Variants in UTRN observed in about 807,000 individuals in gnomAD.
UTRN encodes dystrophin-related protein 1.
UTRN carries 283 observed loss-of-function variants against 463.9 expected under a neutral mutation model. That is an observed-to-expected ratio of 0.61 (90% CI 0.55 to 0.67). The LOEUF (loss-of-function observed/expected upper bound fraction) is 0.67, where lower values mean the gene tolerates loss of function less well. UTRN is among the 30% of genes least tolerant of loss of function. UTRN has a pLI of 0.00. For missense variants in UTRN, 3,922 were observed against 4,084.3 expected (o/e 0.96, Z 1.08); for synonymous variants, 1,442 against 1,431.5 (o/e 1.01, Z -0.17).
chr6:144,492,467 T>C (rs1006960027), intron 32 of UTRN, among the ~76,000 whole-genome samples: 1 of 152,226 alleles, frequency 6.6e-6, no homozygotes, highest in Non-Finnish European at 1.5e-5. Flanking sequence ...TTGTGTGTAG[T>C]GGTGTGATAA....
chr6:144,730,571 C>G, intron 54 of UTRN, 85 bp downstream of exon 54: 1 of 1,372,862 alleles, frequency 7.3e-7, no homozygotes, highest in South Asian at 1.8e-5. Flanking sequence ...TTCCTTACAG[C>G]ATTTTAGGAT....
intron 2 of UTRN, among the ~76,000 whole-genome samples, chr6:144,325,015 CAGG>C (rs1775889432): frequency 6.6e-6 from 1 of 152,280 alleles, no homozygotes; most frequent in African/African-American, 2.4e-5. Flanking sequence ...CTCACCTGCA[CAGG>C]AGAACAGAGA....
At chr6:144,648,618 G>T (rs1778506344) in intron 51 of UTRN, among the ~76,000 whole-genome samples, 1 of 152,120 alleles carries the variant, frequency 6.6e-6, no homozygotes, top group African/African-American at 2.4e-5. Context: ...TCTGTCCTGG[G>T]GGCAATTTAT....
At chr6:144,697,679 A>G (rs911811250) in intron 52 of UTRN, among the ~76,000 whole-genome samples, 2 of 152,132 alleles carry the variant, frequency 1.3e-5, no homozygotes, top group Non-Finnish European at 2.9e-5. Context: ...CACATATACC[A>G]ATGTTTTCTT....
chr6:144,476,538 A>G (rs1221573019), intron 25 of UTRN, among the ~76,000 whole-genome samples: 5 of 152,162 alleles, frequency 3.3e-5, no homozygotes, highest in Non-Finnish European at 7.3e-5. Flanking sequence ...ATTTACTGCA[A>G]TAACGAAGGA....
intron 34 of UTRN, among the ~76,000 whole-genome samples, chr6:144,505,244 T>G (rs1029713465): frequency 6.6e-6 from 1 of 152,234 alleles, no homozygotes; most frequent in Non-Finnish European, 1.5e-5. Flanking sequence ...TTGAAGGGTT[T>G]TCGTGTCTCT....
chr6:144,640,160 A>G (rs1777625940), intron 51 of UTRN, among the ~76,000 whole-genome samples: 1 of 152,168 alleles, frequency 6.6e-6, no homozygotes, highest in Admixed American at 6.6e-5. Flanking sequence ...TCTGTGATAC[A>G]AGAGGAAGCT....
intron 54 of UTRN, among the ~76,000 whole-genome samples, chr6:144,732,261 C>T (rs964065554): frequency 0.02 from 2,416 of 121,848 alleles, 81 homozygotes; most frequent in African/African-American, 0.064. Context: ...TATATATACA[C>T]ACATATATAT....
intron 42 of UTRN, among the ~76,000 whole-genome samples, chr6:144,531,530 A>G (rs1457657540): frequency 6.6e-6 from 1 of 152,194 alleles, no homozygotes; most frequent in Non-Finnish European, 1.5e-5. Flanking sequence ...AAATATTTGC[A>G]TGCCTCACCT....
At chr6:144,584,219 A>G (rs1415965590) in intron 51 of UTRN, among the ~76,000 whole-genome samples, 3 of 152,170 alleles carry the variant, frequency 2.0e-5, no homozygotes, top group African/African-American at 4.8e-5. Context: ...CAAATTTCTA[A>G]TACTACGTCA....
intron 49 of UTRN, among the ~76,000 whole-genome samples, chr6:144,555,467 C>G (rs1214333320): frequency 6.6e-6 from 1 of 152,142 alleles, no homozygotes; most frequent in Non-Finnish European, 1.5e-5. Flanking sequence ...TTGTCTCACT[C>G]TGCCGCCCAG....
chr6:144,557,421 AT>A, intron 50 of UTRN, 110 bp downstream of exon 50: 1 of 1,037,272 alleles, frequency 9.6e-7, no homozygotes, highest in Admixed American at 3.3e-5. Context: ...AGTACATTTT[AT>A]TATTATGTAT....
chr6:144,564,129 AG>A (rs1458631888), intron 50 of UTRN, among the ~76,000 whole-genome samples: 1 of 152,170 alleles, frequency 6.6e-6, no homozygotes, highest in Non-Finnish European at 1.5e-5. Context: ...TCCTGCTCCC[AG>A]GAAGCTGACA....
intron 66 of UTRN, among the ~76,000 whole-genome samples, chr6:144,826,039 C>T (rs1364408722): frequency 6.6e-6 from 1 of 150,554 alleles, no homozygotes; most frequent in Non-Finnish European, 1.5e-5. Context: ...GGAGATATAC[C>T]TAATGCTAAA....
intron 48 of UTRN, 85 bp from the exon 49 acceptor site, chr6:144,554,603 G>A (rs1463979545): frequency 5.6e-6 from 8 of 1,421,246 alleles, no homozygotes; most frequent in African/African-American, 2.9e-5. Flanking sequence ...AGACTTATTT[G>A]TGATACATTT....
At chr6:144,346,918 T>G (rs935003211) in intron 2 of UTRN, among the ~76,000 whole-genome samples, 5 of 149,072 alleles carry the variant, frequency 3.4e-5, no homozygotes, top group Non-Finnish European at 7.4e-5. Flanking sequence ...TCTATCTATC[T>G]ATCGATCTCT....
chr6:144,550,876 G>T, intron 47 of UTRN, 89 bp from the exon 48 acceptor site: 3 of 1,166,786 alleles, frequency 2.6e-6, no homozygotes, highest in South Asian at 2.0e-5. Flanking sequence ...GGAAAACAAC[G>T]ACAACTTTGA....
intron 60 of UTRN, among the ~76,000 whole-genome samples, chr6:144,779,771 G>C (rs1045009357): frequency 6.6e-6 from 1 of 152,160 alleles, no homozygotes; most frequent in Non-Finnish European, 1.5e-5. Context: ...AATGAGGTAA[G>C]AATTACAGTG....
intron 2 of UTRN, among the ~76,000 whole-genome samples, chr6:144,298,095 T>C (rs1001282354): frequency 6.6e-6 from 1 of 151,216 alleles, no homozygotes; most frequent in African/African-American, 2.5e-5. Flanking sequence ...TGAAGTGGTT[T>C]CAGATGCATT....
Sources: allele counts gnomAD v4.1 joint callset (sites outside exome capture counted in the v4.1 genomes callset), GRCh38; gene constraint gnomAD v4.1.1; transcripts MANE v1.5; gene names NCBI Gene and HGNC (gene_info 2026-07-23, HGNC 2026-07-21).